The following DPP10 variants were observed in gnomAD, a reference collection of about 807,000 sequenced individuals.
DPP10 encodes the protein inactive dipeptidyl peptidase 10.
DPP10 carries 33 observed loss-of-function variants against 120.9 expected under a neutral mutation model. The ratio of observed to expected loss-of-function variants is 0.27; its 90% confidence interval spans 0.21 to 0.37. DPP10 has a LOEUF of 0.37. DPP10 is among the 10% of genes least tolerant of loss of function. DPP10 has a pLI of 1.00. For missense variants in DPP10, 816 were observed against 942.8 expected, an observed-to-expected ratio of 0.87 and a Z score of 1.76; for synonymous variants, 337 against 326.1, an observed-to-expected ratio of 1.03 and a Z score of -0.36.
intron 1 of DPP10, among the ~76,000 whole-genome samples, chr2:114,750,234 A>AC (rs754482833): frequency 2.6e-5 from 4 of 152,036 alleles, no homozygotes; most frequent in Non-Finnish European, 1.5e-5. Context: ...ATGCAATGGC[A>AC]CCAGAATTTT....
intron 1 of DPP10, among the ~76,000 whole-genome samples, chr2:114,753,559 AAT>A (rs1574108163): frequency 6.6e-6 from 1 of 152,254 alleles, no homozygotes; most frequent in East Asian, 1.9e-4. Flanking sequence ...GATATGATAA[AAT>A]ATGTTATATT....
intron 1 of DPP10, among the ~76,000 whole-genome samples, chr2:114,689,599 G>C (rs1386088882): frequency 1.3e-5 from 2 of 152,030 alleles, no homozygotes; most frequent in Non-Finnish European, 2.9e-5. Context: ...TACATACTCA[G>C]TAATAGGATT....
chr2:114,881,487 CTATCATA>C (rs1558838751), intron 1 of DPP10, among the ~76,000 whole-genome samples: 3,246 of 117,884 alleles, frequency 0.028, 143 homozygotes, highest in African/African-American at 0.093. Context: ...ATCTATCTAT[CTATCATA>C]TCTCTCTGTC....
chr2:115,259,306 A>T (rs2059144416), intron 1 of DPP10, among the ~76,000 whole-genome samples: 2 of 151,950 alleles, frequency 1.3e-5, no homozygotes, highest in South Asian at 4.2e-4. Context: ...ACATGGAGAA[A>T]CCCCATCTCT....
chr2:115,757,411 G>T (rs534172655), intron 11 of DPP10, among the ~76,000 whole-genome samples: 1 of 152,088 alleles, frequency 6.6e-6, no homozygotes, highest in African/African-American at 2.4e-5. Flanking sequence ...GCAGAAGGCA[G>T]AGAGGAAGAA....
intron 3 of DPP10, among the ~76,000 whole-genome samples, chr2:115,408,088 G>C (rs1376192975): frequency 2.0e-5 from 3 of 151,960 alleles, no homozygotes; most frequent in African/African-American, 7.3e-5. Flanking sequence ...CAGTCTCGGT[G>C]ACCACGACAG....
At chr2:115,642,385 T>C (rs2086858124) in intron 5 of DPP10, among the ~76,000 whole-genome samples, 1 of 152,098 alleles carries the variant, frequency 6.6e-6, no homozygotes, top group African/African-American at 2.4e-5. Flanking sequence ...CATCCATTAG[T>C]TTAAGGTCTT....
At chr2:115,009,347 C>G (rs911486093) in intron 1 of DPP10, among the ~76,000 whole-genome samples, 8 of 150,648 alleles carry the variant, frequency 5.3e-5, no homozygotes, top group Admixed American at 1.3e-4. Flanking sequence ...CCAAACACCA[C>G]ATATTCTCAC....
At chr2:115,253,844 C>G (rs1017555731) in intron 1 of DPP10, among the ~76,000 whole-genome samples, 2 of 152,182 alleles carry the variant, frequency 1.3e-5, no homozygotes, top group African/African-American at 2.4e-5. Context: ...GGGCAGTGTC[C>G]TCCTTCCCCC....
intron 1 of DPP10, among the ~76,000 whole-genome samples, chr2:115,088,750 C>T (rs867994823): frequency 1.5e-5 from 1 of 65,044 alleles, no homozygotes; most frequent in Non-Finnish European, 2.8e-5. Flanking sequence ...CTGTGCCTGA[C>T]AAAAAAAAAA....
chr2:115,574,198 T>A (rs1250903721), intron 5 of DPP10, among the ~76,000 whole-genome samples: 1 of 152,182 alleles, frequency 6.6e-6, no homozygotes, highest in Non-Finnish European at 1.5e-5. Context: ...TAATTAGCCC[T>A]CTTCCTCCTT....
intron 1 of DPP10, among the ~76,000 whole-genome samples, chr2:115,027,542 C>T (rs911611848): frequency 2.0e-5 from 3 of 152,026 alleles, no homozygotes; most frequent in Non-Finnish European, 4.4e-5. Flanking sequence ...GCTATTATTT[C>T]ATTGAGGATT....
At chr2:115,484,679 T>G (rs2075657717) in intron 3 of DPP10, among the ~76,000 whole-genome samples, 1 of 152,102 alleles carries the variant, frequency 6.6e-6, no homozygotes, top group Non-Finnish European at 1.5e-5. Flanking sequence ...AAAACTATGG[T>G]AAGATATTAG....
intron 1 of DPP10, among the ~76,000 whole-genome samples, chr2:115,037,058 A>G (rs537905030): frequency 3.3e-5 from 5 of 152,262 alleles, no homozygotes; most frequent in South Asian, 4.1e-4. Context: ...GCTATTTGTC[A>G]ACAAAAACAG....
chr2:114,486,789 T>C (rs1447502113), intron 1 of DPP10, among the ~76,000 whole-genome samples: 2 of 152,308 alleles, frequency 1.3e-5, no homozygotes, highest in Non-Finnish European at 2.9e-5. Context: ...ATAATGATGA[T>C]GCTTTTCTTC....
chr2:115,309,014 A>G (rs1374698806), intron 1 of DPP10, among the ~76,000 whole-genome samples: 1 of 152,080 alleles, frequency 6.6e-6, no homozygotes, highest in Non-Finnish European at 1.5e-5. Context: ...TTGGACAGCA[A>G]GCATAAAACG....
intron 1 of DPP10, among the ~76,000 whole-genome samples, chr2:115,178,671 C>G: frequency 6.6e-6 from 1 of 152,172 alleles, no homozygotes; most frequent in East Asian, 1.9e-4. Context: ...CTCTCTGAAC[C>G]TCAGCTCCCA....
chr2:114,824,847 C>A (rs1020352654), intron 1 of DPP10, among the ~76,000 whole-genome samples: 1 of 152,120 alleles, frequency 6.6e-6, no homozygotes, highest in South Asian at 2.1e-4. Flanking sequence ...GGAAAAATAG[C>A]CTTATAAGCT....
Position 114,834,938 on chromosome 2 carries a change from A to G in DPP10, c.60+392100A>G, listed in dbSNP as rs191900505. Among the ~76,000 whole-genome samples, 193 of 141,420 alleles carry G rather than the reference A, an allele frequency of 1.4e-3. 8 individuals are homozygous for G. Among genetic ancestry groups the G allele is most frequent in the African/African-American group, 5.8e-3 (184 of 31,918 alleles). The allele number at this position is 141,420 out of a possible 152,430, so 92.8% of individuals were successfully genotyped here. On this transcript the variant is annotated intron_variant, in intron 1 of 25. Coordinates refer to ENST00000410059, the MANE Select transcript of DPP10 (RefSeq NM_020868.6). ...CTATGTATATATAAGCCATATCTAC[A>G]CACCTATGTATATATAAGCCATATC...
Sources: gnomAD v4.1 joint callset for allele counts (sites outside exome capture counted in the v4.1 genomes callset) on GRCh38, gnomAD v4.1.1 for gene constraint, MANE v1.5 for transcripts, NCBI Gene and HGNC (gene_info 2026-07-23, HGNC 2026-07-21) for gene names.